P3H2: variants seen among roughly 807,000 people sequenced by gnomAD.
P3H2 encodes the protein prolyl 3-hydroxylase 2.
P3H2 carries 80 observed loss-of-function variants against 87.0 expected under a neutral mutation model. That is an observed-to-expected ratio of 0.92 (90% CI 0.77 to 1.11). The LOEUF is 1.11. P3H2 is among the 50% of genes least tolerant of loss of function. The pLI is 0.00. For synonymous variants in P3H2, 367 were observed against 359.3 expected, an observed-to-expected ratio of 1.02 and a Z score of -0.24; for missense variants, 1,001 against 923.9, an observed-to-expected ratio of 1.08 and a Z score of -1.08.
chr3:190,074,987 A>G (rs1386772899), intron 1 of P3H2, among the ~76,000 whole-genome samples: 2 of 152,110 alleles, frequency 1.3e-5, no homozygotes. Flanking sequence ...GCTACTCTCA[A>G]TTCTCCCTGA....
chr3:189,958,950 A>G (rs1215358398), intron 14 of P3H2, among the ~76,000 whole-genome samples: 2 of 151,596 alleles, frequency 1.3e-5, no homozygotes, highest in Non-Finnish European at 2.9e-5. Flanking sequence ...CGCCCTCCCA[A>G]AGTGCTGGGA....
intron 1 of P3H2, among the ~76,000 whole-genome samples, chr3:190,023,909 G>T (rs577076244): frequency 6.6e-6 from 1 of 152,268 alleles, no homozygotes; most frequent in Admixed American, 6.5e-5. Flanking sequence ...AGAAAGCTCT[G>T]TTACCAATAC....
At chr3:189,958,927 G>A (rs562336460) in intron 14 of P3H2, among the ~76,000 whole-genome samples, 100 of 151,870 alleles carry the variant, frequency 6.6e-4, no homozygotes, top group African/African-American at 2.2e-3. Context: ...GACCTCAGGT[G>A]ATCCACCCGC....
chr3:189,961,301 A>G (rs1234075301), intron 14 of P3H2, among the ~76,000 whole-genome samples: 1 of 152,204 alleles, frequency 6.6e-6, no homozygotes, highest in Non-Finnish European at 1.5e-5. Context: ...ACATCTGTTG[A>G]CCACAAGAAA....
intron 1 of P3H2, among the ~76,000 whole-genome samples, chr3:190,096,779 A>G (rs981005813): frequency 6.6e-6 from 1 of 152,192 alleles, no homozygotes; most frequent in Non-Finnish European, 1.5e-5. Context: ...TATATTAAAG[A>G]GTGGGGTGAA....
At position 190,037,830 on chromosome 3, in the gene P3H2, A is replaced by G. The variant is rs1241642073; in HGVS notation, c.481-42388T>C. On this transcript the variant is annotated intron_variant, in intron 1 of 14. Transcript: ENST00000319332. ...GCAAAATAATAGTTTCTTTAAAATG[A>G]GACAACAGAATATTTCTATTGCAAT... is the stretch of plus-strand genomic sequence containing the variant. 2.0e-5 allele frequency among the ~76,000 whole-genome samples: 3 copies of G among 152,214 alleles called. No individual in the cohort carries two copies. In the East Asian group the frequency reaches 5.8e-4, roughly 29 times the overall value.
rs181950137 is a variant in P3H2, at chr3:189,973,039, C to A, written c.1549-15G>T. 2.0e-3 allele frequency: 3,224 copies of A among 1,595,046 alleles called. 43 individuals are homozygous for A. The African/African-American group carries it at 0.037, about 19-fold the overall frequency. On this transcript the variant is annotated splice_polypyrimidine_tract_variant and intron_variant, in intron 10 of 14. Coordinates refer to ENST00000319332, the MANE Select transcript of P3H2 (RefSeq NM_018192.4). ...TCATAACCAGACTGAAAAAAAAAAACAAAACATGAGAAACAAATGGGTTCA... is the reference window on the plus strand; with the variant it reads ...TCATAACCAGACTGAAAAAAAAAAAAAAAACATGAGAAACAAATGGGTTCA...
chr3:190,107,957 AC>A (rs1230084486), intron 1 of P3H2, among the ~76,000 whole-genome samples: 1 of 151,444 alleles, frequency 6.6e-6, no homozygotes, highest in Non-Finnish European at 1.5e-5. Flanking sequence ...ATTAAAAATT[AC>A]CAGTATTTTA....
chr3:190,080,829 T>C (rs1418345270), intron 1 of P3H2, among the ~76,000 whole-genome samples: 2 of 152,104 alleles, frequency 1.3e-5, no homozygotes, highest in Admixed American at 1.3e-4. Flanking sequence ...TGAAAGAGAA[T>C]GAAATAAAAA....
chr3:190,026,402 C>T (rs1270911030), intron 1 of P3H2, among the ~76,000 whole-genome samples: 1 of 152,146 alleles, frequency 6.6e-6, no homozygotes, highest in Non-Finnish European at 1.5e-5. Flanking sequence ...GTCATACAGA[C>T]CTTGCTGACA....
intron 1 of P3H2, among the ~76,000 whole-genome samples, chr3:190,100,326 T>A (rs1163131285): frequency 6.8e-6 from 1 of 146,164 alleles, no homozygotes; most frequent in African/African-American, 2.5e-5. Flanking sequence ...ATGTATTCAA[T>A]ATTTTATATT....
At chr3:189,969,688 AAGG>A (rs1723112177) in intron 13 of P3H2, 1 of 1,311,716 alleles carries the variant, frequency 7.6e-7, no homozygotes, top group Non-Finnish European at 1.1e-6. Flanking sequence ...CATGCCTTGC[AAGG>A]AGGACACAAT....
At chr3:190,073,980 A>G (rs114460874) in intron 1 of P3H2, among the ~76,000 whole-genome samples, 1 of 152,362 alleles carries the variant, frequency 6.6e-6, no homozygotes, top group African/African-American at 2.4e-5. Flanking sequence ...GAAGCACATC[A>G]TGCAGAATAT....
chr3:190,023,627 G>A (rs948472436), intron 1 of P3H2, among the ~76,000 whole-genome samples: 5 of 152,182 alleles, frequency 3.3e-5, no homozygotes, highest in Non-Finnish European at 7.3e-5. Flanking sequence ...GACATGGGCG[G>A]CGGGGATTAT....
intron 8 of P3H2, among the ~76,000 whole-genome samples, chr3:189,979,669 T>A (rs945087832): frequency 6.6e-6 from 1 of 151,786 alleles, no homozygotes; most frequent in Admixed American, 6.6e-5. Context: ...CCTTTAAAAA[T>A]CTGGTGGGTG....
At chr3:190,081,051 C>G (rs998856626) in intron 1 of P3H2, among the ~76,000 whole-genome samples, 1 of 152,184 alleles carries the variant, frequency 6.6e-6, no homozygotes, top group Non-Finnish European at 1.5e-5. Context: ...AAACCCTTGG[C>G]TCTTCTCTTT....
At chr3:190,112,965 T>C (rs1393212022) in intron 1 of P3H2, among the ~76,000 whole-genome samples, 1 of 152,070 alleles carries the variant, frequency 6.6e-6, no homozygotes, top group Non-Finnish European at 1.5e-5. Context: ...TTTTTCCTAA[T>C]GAGAAATGCA....
chr3:190,026,674 T>C (rs971260386), intron 1 of P3H2, among the ~76,000 whole-genome samples: 2 of 152,248 alleles, frequency 1.3e-5, no homozygotes, highest in Admixed American at 6.5e-5. Context: ...GGAGTAAGTA[T>C]TCTTTTATTT....
At chr3:190,074,710 T>G (rs1370080120) in intron 1 of P3H2, among the ~76,000 whole-genome samples, 2 of 152,212 alleles carry the variant, frequency 1.3e-5, no homozygotes, top group Non-Finnish European at 2.9e-5. Flanking sequence ...CAACTGAATG[T>G]AAATTGAACA....
Sources: allele counts gnomAD v4.1 joint callset (sites outside exome capture counted in the v4.1 genomes callset), GRCh38; gene constraint gnomAD v4.1.1; transcripts MANE v1.5; gene names NCBI Gene and HGNC (gene_info 2026-07-23, HGNC 2026-07-21).